Variants in PCDHGB4 observed in about 807,000 individuals in gnomAD.
PCDHGB4 encodes the protein protocadherin gamma-B4.
PCDHGB4 carries 38 observed loss-of-function variants against 60.5 expected under a neutral mutation model. The ratio of observed to expected loss-of-function variants is 0.63; its 90% CI spans 0.48 to 0.82. The LOEUF is 0.82. Among genes scored for constraint, PCDHGB4 ranks in the 40% least tolerant of loss-of-function variants. The pLI, the probability that PCDHGB4 is intolerant of heterozygous loss-of-function variation, is 0.00. For synonymous variants in PCDHGB4, 456 were observed against 509.7 expected, an observed-to-expected ratio of 0.89 and a Z score of 1.42; for missense variants, 1,109 against 1,209.6, an observed-to-expected ratio of 0.92 and a Z score of 1.23.
chr5:141,479,703 C>T (rs1219257838), intron 1 of PCDHGB4: 1 of 152,182 alleles, frequency 6.6e-6, no homozygotes, highest in African/African-American at 2.4e-5. Context: ...AGTGTTAGTC[C>T]CTGTCCTTCC....
intron 1 of PCDHGB4, among the ~76,000 whole-genome samples, chr5:141,460,961 A>ATATGTGTGTGTG (rs1463306338): frequency 4.1e-5 from 6 of 144,616 alleles, no homozygotes; most frequent in Admixed American, 1.4e-4. Flanking sequence ...GTATATATAT[A>ATATGTGTGTGTG]TGTGTGTGTG....
chr5:141,400,588 T>TC, intron 1 of PCDHGB4: 1 of 1,606,158 alleles, frequency 6.2e-7, no homozygotes, highest in South Asian at 1.1e-5. Flanking sequence ...TACATGAAAC[T>TC]ATCGTACATT....
Position 141,420,299 on chromosome 5 carries a change from T to A in PCDHGB4, c.2397+30018T>A, listed in dbSNP as rs377297222. On this transcript the variant is annotated intron_variant, in intron 1 of 3. Coordinates refer to ENST00000519479, the MANE Select transcript of PCDHGB4 (RefSeq NM_003736.4). Reference sequence around the variant, plus strand: ...GGTAAGTATTTAAAAATGTATTTAATCCTTTTTATATTACAATATGCCAAT... The same window carrying A: ...GGTAAGTATTTAAAAATGTATTTAAACCTTTTTATATTACAATATGCCAAT... 6.8e-6 allele frequency: 10 copies of A among 1,465,980 alleles called. No homozygotes were observed. The African/African-American group carries it at 1.4e-4, about 21-fold the overall frequency. 90.8% of individuals were successfully genotyped at this position (1,465,980 alleles called of 1,614,324 possible). A position where few individuals can be genotyped will look rare whatever the true frequency, so the allele number is the denominator to read the frequency against.
chr5:141,418,688 A>C, intron 1 of PCDHGB4: 2 of 1,614,032 alleles, frequency 1.2e-6, no homozygotes, highest in Non-Finnish European at 1.7e-6. Flanking sequence ...CAACTCAGAG[A>C]TCACTTATTC....
At position 141,477,572 on chromosome 5, in the gene PCDHGB4, G is replaced by A. The variant is rs375416133; in HGVS notation, c.2398-17235G>A. The A allele has an allele frequency of 6.2e-7, 1 of 1,614,112 alleles. No homozygotes were observed. The highest frequency in any genetic ancestry group is 8.5e-7 in the Non-Finnish European group (1 of 1,180,030). On this transcript the variant is annotated intron_variant, in intron 1 of 3. Coordinates refer to ENST00000519479, the MANE Select transcript of PCDHGB4 (RefSeq NM_003736.4). This position sits in a 1 kb window ranked among gnomAD's most constrained non-coding sequence, Gnocchi z 4.9. ...AAACCTAAGTGTCTGGGACCCCGAC[G>A]CCCCGCAGAATGCTCGGCTTTCTTT...
chr5:141,413,032 C>A, intron 1 of PCDHGB4: 1 of 766,948 alleles, frequency 1.3e-6, no homozygotes, highest in Non-Finnish European at 2.0e-6. Context: ...CACAAACCGG[C>A]TGCTGGGCTG....
chr5:141,423,009 G>T (rs371209178), intron 1 of PCDHGB4: 3 of 1,614,222 alleles, frequency 1.9e-6, no homozygotes, highest in Non-Finnish European at 2.5e-6. Context: ...AGGTGGTTGC[G>T]GTGGACAAAG....
chr5:141,404,333 C>A, intron 1 of PCDHGB4: 3 of 1,613,854 alleles, frequency 1.9e-6, no homozygotes, highest in South Asian at 1.1e-5. Flanking sequence ...CTCAGTCTAC[C>A]TCCCGGAAAA....
chr5:141,485,938 A>G lies in PCDHGB4; in HGVS notation c.2398-8869A>G. The stretch of plus-strand genomic sequence containing the variant: ...ACAGGATTAGTGTGTTGGAGAGCGC[A>G]CCAGCGGGCATGGTGCTCATCCAGC... On this transcript the variant is annotated intron_variant, in intron 1 of 3. Transcript: ENST00000519479. The surrounding 1 kb of genome is among the most constrained non-coding windows in gnomAD (Gnocchi z 5.7). 6.2e-7 allele frequency: 1 copy of G among 1,614,162 alleles called. No individual in the cohort carries two copies. The highest frequency in any genetic ancestry group is 1.3e-5 in the African/African-American group (1 of 75,028).
At chr5:141,421,030 G>C (rs989158485) in intron 1 of PCDHGB4, 2 of 532,352 alleles carry the variant, frequency 3.8e-6, no homozygotes, top group African/African-American at 3.9e-5. Context: ...GCGCCATTGA[G>C]TCCCTCCCTC....
chr5:141,507,716 C>T (rs567867232), intron 3 of PCDHGB4, among the ~76,000 whole-genome samples: 1 of 152,372 alleles, frequency 6.6e-6, no homozygotes, highest in South Asian at 2.1e-4. Flanking sequence ...CCCAAACCCT[C>T]CAAGCAAGTC....
chr5:141,407,996 TG>T, intron 1 of PCDHGB4: 1 of 872,306 alleles, frequency 1.1e-6, no homozygotes, highest in Non-Finnish European at 1.7e-6. Flanking sequence ...GCCTCTGGCC[TG>T]GGATTCCCTG....
chr5:141,436,089 T>C (rs1001252646), intron 1 of PCDHGB4, among the ~76,000 whole-genome samples: 1 of 152,204 alleles, frequency 6.6e-6, no homozygotes, highest in Non-Finnish European at 1.5e-5. Context: ...ATAGGTAATA[T>C]TGAGAGAAAT....
chr5:141,430,837 C>T (rs1350348914), intron 1 of PCDHGB4: 4 of 1,559,956 alleles, frequency 2.6e-6, no homozygotes, highest in South Asian at 2.5e-5. Context: ...TGTGGGAGAC[C>T]GGATGCACCC....
chr5:141,420,176 C>CA (rs1162032152), intron 1 of PCDHGB4: 5 of 1,613,874 alleles, frequency 3.1e-6, no homozygotes, highest in Non-Finnish European at 4.2e-6. Flanking sequence ...ATCTGTTGAT[C>CA]ATTGTCCAGC....
rs750014647 is a variant in PCDHGB4, at chr5:141,426,649, T to C, written c.2397+36368T>C. 53 of 418,716 alleles carry C rather than the reference T, an allele frequency of 1.3e-4. 1 individual carries two copies. Among genetic ancestry groups the C allele is most frequent in the South Asian group, 6.9e-4 (42 of 60,762 alleles). The allele number at this position is 418,716 out of a possible 1,614,324, so 25.9% of individuals were successfully genotyped here. On this transcript the variant is annotated intron_variant, in intron 1 of 3. Coordinates refer to ENST00000519479, the MANE Select transcript of PCDHGB4 (RefSeq NM_003736.4). Reference sequence around the variant, plus strand: ...AATGTTTTTCACATAAATGTGATGATAGAAGATATAAATGATAACCCACCT... The same window carrying C: ...AATGTTTTTCACATAAATGTGATGACAGAAGATATAAATGATAACCCACCT...
intron 1 of PCDHGB4, chr5:141,413,717 A>C: frequency 6.2e-7 from 1 of 1,613,382 alleles, no homozygotes; most frequent in Non-Finnish European, 8.5e-7. Flanking sequence ...CCCAATAAGC[A>C]CTTCTCCCTA....
chr5:141,432,120 A>G lies in PCDHGB4; in HGVS notation c.2397+41839A>G, dbSNP rs764363553. 12 of 1,613,978 alleles carry G rather than the reference A, an allele frequency of 7.4e-6. No homozygotes were observed. The highest frequency in any genetic ancestry group is 5.3e-5 in the African/African-American group (4 of 74,894). ...AACGACAACCCGCCGGTCTTCCCTCAGGCCTCCTATTCCGCTTATATCCCA... is the reference window on the plus strand; with the variant it reads ...AACGACAACCCGCCGGTCTTCCCTCGGGCCTCCTATTCCGCTTATATCCCA... On this transcript the variant is annotated intron_variant, in intron 1 of 3. Transcript: ENST00000519479. The surrounding 1 kb of genome is among the most constrained non-coding windows in gnomAD (Gnocchi z 6.0).
intron 1 of PCDHGB4, chr5:141,421,422 C>A (rs908483513): frequency 6.2e-7 from 1 of 1,614,086 alleles, no homozygotes; most frequent in South Asian, 1.1e-5. Flanking sequence ...AGCGCGGAGT[C>A]CGCATCGTCT....
Sources: gnomAD v4.1 joint callset for allele counts (sites outside exome capture counted in the v4.1 genomes callset) on GRCh38, gnomAD v4.1.1 for gene constraint, Gnocchi (gnomAD v3.1) non-coding constraint, MANE v1.5 for transcripts, NCBI Gene and HGNC (gene_info 2026-07-23, HGNC 2026-07-21) for gene names.